The following CCSER1 variants were observed in gnomAD, a reference collection of about 807,000 sequenced individuals.
CCSER1 encodes the protein serine-rich coiled-coil domain-containing protein 1.
In CCSER1, 41 loss-of-function variants were observed where a neutral mutation model predicts 82.0. That is an observed-to-expected ratio of 0.50 (90% CI 0.39 to 0.65). The LOEUF is 0.65. Among genes scored for constraint, CCSER1 ranks in the 30% least tolerant of loss-of-function variants. The pLI is 0.00. For synonymous variants in CCSER1, 414 were observed against 383.9 expected, an observed-to-expected ratio of 1.08 and a Z score of -0.92; for missense variants, 1,119 against 1,064.2, an observed-to-expected ratio of 1.05 and a Z score of -0.72.
At chr4:90,821,148 A>G (rs913457914) in intron 8 of CCSER1, among the ~76,000 whole-genome samples, 1 of 152,208 alleles carries the variant, frequency 6.6e-6, no homozygotes, top group African/African-American at 2.4e-5. Flanking sequence ...TACTTATTAC[A>G]GTATCATTTC....
At chr4:91,179,077 C>G (rs1448529704) in intron 10 of CCSER1, among the ~76,000 whole-genome samples, 1 of 152,124 alleles carries the variant, frequency 6.6e-6, no homozygotes, top group East Asian at 1.9e-4. Context: ...TTTGGCTGGA[C>G]ATGAAATTCT....
At chr4:90,911,836 C>T (rs1315151563) in intron 8 of CCSER1, among the ~76,000 whole-genome samples, 1 of 152,180 alleles carries the variant, frequency 6.6e-6, no homozygotes, top group African/African-American at 2.4e-5. Context: ...GATTATATTC[C>T]ACGCCTGGCT....
chr4:90,580,286 G>A (rs1027982920), intron 5 of CCSER1, among the ~76,000 whole-genome samples: 1 of 152,124 alleles, frequency 6.6e-6, no homozygotes, highest in Non-Finnish European at 1.5e-5. Context: ...TACTAATTAT[G>A]TGACTTCAGG....
At chr4:90,214,159 A>G (rs1370260731) in intron 1 of CCSER1, among the ~76,000 whole-genome samples, 4 of 152,140 alleles carry the variant, frequency 2.6e-5, no homozygotes, top group Non-Finnish European at 5.9e-5. Flanking sequence ...CAGTGCAAAT[A>G]TGGGAGAGCT....
At chr4:90,489,775 G>A (rs1578760195) in intron 5 of CCSER1, among the ~76,000 whole-genome samples, 1 of 151,996 alleles carries the variant, frequency 6.6e-6, no homozygotes, top group Non-Finnish European at 1.5e-5. Flanking sequence ...TGCGGTGTTT[G>A]TTTTTTTGTC....
chr4:90,272,715 T>A (rs1168758857), intron 1 of CCSER1, among the ~76,000 whole-genome samples: 3 of 151,934 alleles, frequency 2.0e-5, no homozygotes, highest in Admixed American at 6.6e-5. Context: ...CAGCATGGAG[T>A]ACTATTCAGC....
chr4:90,532,273 C>T (rs1450441309), intron 5 of CCSER1, among the ~76,000 whole-genome samples: 1 of 152,162 alleles, frequency 6.6e-6, no homozygotes, highest in Non-Finnish European at 1.5e-5. Context: ...ATTTCCGTAT[C>T]TCTAAATTCA....
At chr4:90,936,526 G>A (rs1395286970) in intron 9 of CCSER1, among the ~76,000 whole-genome samples, 2 of 151,936 alleles carry the variant, frequency 1.3e-5, no homozygotes, top group African/African-American at 4.8e-5. Flanking sequence ...AACTTTTATG[G>A]AAAGAGAAAT....
chr4:90,250,388 T>C (rs2153440738), intron 1 of CCSER1, among the ~76,000 whole-genome samples: 1 of 152,248 alleles, frequency 6.6e-6, no homozygotes, highest in East Asian at 1.9e-4. Context: ...TCTATTTTGA[T>C]TCACTTTTTG....
intron 6 of CCSER1, among the ~76,000 whole-genome samples, chr4:90,640,491 T>G (rs1726295711): frequency 6.6e-6 from 1 of 152,168 alleles, no homozygotes; most frequent in South Asian, 2.1e-4. Flanking sequence ...ATTATTTATA[T>G]TACTTAATGT....
chr4:90,654,916 C>T (rs1729440733), intron 6 of CCSER1, among the ~76,000 whole-genome samples: 1 of 151,874 alleles, frequency 6.6e-6, no homozygotes, highest in Non-Finnish European at 1.5e-5. Flanking sequence ...TGATTATTGT[C>T]ATCAGAAATT....
At chr4:91,039,716 T>C (rs1441637580) in intron 9 of CCSER1, among the ~76,000 whole-genome samples, 2 of 151,826 alleles carry the variant, frequency 1.3e-5, no homozygotes, top group Non-Finnish European at 2.9e-5. Context: ...TATATGAGTA[T>C]CTTTCTGTAA....
chr4:90,450,092 T>C (rs1182782202), intron 4 of CCSER1, among the ~76,000 whole-genome samples: 1 of 152,142 alleles, frequency 6.6e-6, no homozygotes, highest in Non-Finnish European at 1.5e-5. Flanking sequence ...TGCTTCGTGC[T>C]GACAAGGGAC....
At chr4:90,208,030 C>T (rs908659376) in intron 1 of CCSER1, among the ~76,000 whole-genome samples, 9 of 151,984 alleles carry the variant, frequency 5.9e-5, no homozygotes, top group African/African-American at 1.2e-4. Flanking sequence ...AGCACTGTGC[C>T]GGGAGATCTG....
At chr4:90,782,686 T>TTTCTTTC (rs373016410) in intron 7 of CCSER1, among the ~76,000 whole-genome samples, 1 of 117,502 alleles carries the variant, frequency 8.5e-6, no homozygotes, top group Non-Finnish European at 1.8e-5. Flanking sequence ...TCTTTCTTTC[T>TTTCTTTC]TTTTTTTTTT....
intron 10 of CCSER1, among the ~76,000 whole-genome samples, chr4:91,492,381 CA>C (rs987925916): frequency 2.6e-5 from 4 of 151,836 alleles, no homozygotes; most frequent in Non-Finnish European, 5.9e-5. Context: ...CCAAATTTAC[CA>C]AAAAAACTAC....
At chr4:91,406,295 A>G (rs1752694070) in intron 10 of CCSER1, among the ~76,000 whole-genome samples, 1 of 152,158 alleles carries the variant, frequency 6.6e-6, no homozygotes, top group South Asian at 2.1e-4. Flanking sequence ...TATGTTGTTC[A>G]AGTTAATAAA....
At chr4:91,590,217 G>A (rs1764199105) in intron 10 of CCSER1, among the ~76,000 whole-genome samples, 1 of 152,028 alleles carries the variant, frequency 6.6e-6, no homozygotes, top group South Asian at 2.1e-4. Context: ...GAATTTAGAA[G>A]CGAGGTTGAA....
intron 10 of CCSER1, among the ~76,000 whole-genome samples, chr4:91,320,334 C>T (rs1246461040): frequency 6.6e-6 from 1 of 151,982 alleles, no homozygotes; most frequent in Non-Finnish European, 1.5e-5. Context: ...TTTGCAGTCA[C>T]ATCTTAAACT....
Sources: allele counts gnomAD v4.1 joint callset (sites outside exome capture counted in the v4.1 genomes callset), GRCh38; gene constraint gnomAD v4.1.1; transcripts MANE v1.5; gene names NCBI Gene and HGNC (gene_info 2026-07-23, HGNC 2026-07-21).